RPS6KA2: variants seen among roughly 807,000 people sequenced by gnomAD.
RPS6KA2 encodes the protein ribosomal protein S6 kinase A2, also known as ribosomal protein S6 kinase alpha-2.
RPS6KA2 carries 42 observed loss-of-function variants against 91.8 expected under a neutral mutation model. The ratio of observed to expected loss-of-function variants is 0.46; its 90% confidence interval spans 0.36 to 0.59. The LOEUF is 0.59. Ranked by LOEUF, RPS6KA2 falls within the 20% of genes least tolerant of loss-of-function variation. The pLI, the probability that RPS6KA2 is intolerant of heterozygous loss-of-function variation, is 0.00. For missense variants in RPS6KA2, 798 were observed against 978.5 expected (o/e 0.82, Z 2.46); for synonymous variants, 414 against 393.6 (o/e 1.05, Z -0.61).
intron 2 of RPS6KA2, among the ~76,000 whole-genome samples, chr6:166,683,413 T>C (rs1337150014): frequency 6.6e-6 from 1 of 152,234 alleles, no homozygotes; most frequent in Non-Finnish European, 1.5e-5. Flanking sequence ...TGATCAATTA[T>C]AATCTACAGA....
At chr6:166,577,739 T>C (rs1280506641) in intron 1 of RPS6KA2, among the ~76,000 whole-genome samples, 5 of 152,198 alleles carry the variant, frequency 3.3e-5, no homozygotes, top group Non-Finnish European at 7.3e-5. Context: ...CTGAAATAAG[T>C]TAAGACTTTG....
At chr6:166,431,147 C>G (rs1400881722) in intron 15 of RPS6KA2, among the ~76,000 whole-genome samples, 3 of 152,130 alleles carry the variant, frequency 2.0e-5, no homozygotes, top group Admixed American at 6.5e-5. Context: ...AAGCTGGACT[C>G]AAACTCCTGG....
At chr6:166,702,661 T>C in intron 2 of RPS6KA2, 4 of 1,563,504 alleles carry the variant, frequency 2.6e-6, no homozygotes, top group Non-Finnish European at 3.5e-6. Flanking sequence ...CAGTTCTATT[T>C]TACCTGAAAG....
intron 3 of RPS6KA2, among the ~76,000 whole-genome samples, chr6:166,513,611 G>T (rs766409662): frequency 1.7e-4 from 26 of 152,320 alleles, no homozygotes; most frequent in Admixed American, 5.2e-4. Context: ...GTACGTCCCA[G>T]CCAGCATGTG....
chr6:166,716,623 A>C (rs1038019095), intron 2 of RPS6KA2, among the ~76,000 whole-genome samples: 3 of 152,250 alleles, frequency 2.0e-5, no homozygotes, highest in Admixed American at 1.3e-4. Flanking sequence ...TAAGAGGTTA[A>C]GACATCGTGA....
intron 2 of RPS6KA2, among the ~76,000 whole-genome samples, chr6:166,645,187 C>A (rs1396195026): frequency 1.3e-5 from 2 of 152,190 alleles, no homozygotes; most frequent in Non-Finnish European, 2.9e-5. Context: ...TTAAAGTTTC[C>A]TATTTGATAA....
At chr6:166,727,319 A>AAC (rs10541160) in intron 2 of RPS6KA2, among the ~76,000 whole-genome samples, 11,169 of 146,548 alleles carry the variant, frequency 0.076, 880 homozygotes, top group African/African-American at 0.21. Context: ...TAAACAAACA[A>AAC]ACACACACAC....
At chr6:166,717,967 GCCTC>G (rs1790060085) in intron 2 of RPS6KA2, among the ~76,000 whole-genome samples, 1 of 151,800 alleles carries the variant, frequency 6.6e-6, no homozygotes, top group Non-Finnish European at 1.5e-5. Context: ...TCCTGCGTCA[GCCTC>G]CCACGTAGCT....
In RPS6KA2 at chr6:166,612,906, T is replaced by C. The variant is rs1441516049; in HGVS notation, c.99+14015A>G. Among the ~76,000 whole-genome samples, 1 of 152,208 alleles carries C rather than the reference T, an allele frequency of 6.6e-6. No homozygotes were observed. Among genetic ancestry groups the C allele is most frequent in the African/African-American group, 2.4e-5 (1 of 41,458 alleles). The stretch of plus-strand genomic sequence containing the variant: ...CACTCTTCCCCTTCTCTTGTCTTTC[T>C]TCTTCCTGCCTCTTCTCTCCCCTCT... On this transcript the variant is annotated intron_variant, in intron 1 of 20. Coordinates refer to ENST00000265678, the MANE Select transcript of RPS6KA2 (RefSeq NM_021135.6). The surrounding 1 kb of genome is among the most constrained non-coding windows in gnomAD (Gnocchi z 4.3).
At chr6:166,457,926 G>GA (rs1304058490) in intron 12 of RPS6KA2, among the ~76,000 whole-genome samples, 3 of 152,172 alleles carry the variant, frequency 2.0e-5, no homozygotes, top group African/African-American at 7.2e-5. Context: ...AAAGCAGCGA[G>GA]AAAAAATACA....
intron 2 of RPS6KA2, among the ~76,000 whole-genome samples, chr6:166,717,565 C>G (rs1004403775): frequency 2.6e-4 from 39 of 152,234 alleles, no homozygotes; most frequent in Non-Finnish European, 4.0e-4. Flanking sequence ...CAGCAGACCA[C>G]TGGCAGTGAC....
chr6:166,735,287 A>G (rs1790644606), intron 2 of RPS6KA2, among the ~76,000 whole-genome samples: 1 of 152,170 alleles, frequency 6.6e-6, no homozygotes, highest in Admixed American at 6.5e-5. Context: ...AAAACAAAAA[A>G]CTGAAACAAC....
chr6:166,822,770 G>T (rs140391861), intron 2 of RPS6KA2, among the ~76,000 whole-genome samples: 66 of 150,384 alleles, frequency 4.4e-4, no homozygotes, highest in African/African-American at 1.3e-3. Context: ...TCACACATAG[G>T]GGCTCAGCAC....
At chr6:166,625,338 C>CCT (rs1786831235) in intron 1 of RPS6KA2, among the ~76,000 whole-genome samples, 7 of 110,288 alleles carry the variant, frequency 6.3e-5, no homozygotes, top group African/African-American at 2.0e-4. Context: ...CCCACCCCCC[C>CCT]CCCCGCTTGT....
chr6:166,474,854 C>T (rs148852175), intron 10 of RPS6KA2, among the ~76,000 whole-genome samples: 143 of 152,262 alleles, frequency 9.4e-4, no homozygotes, highest in African/African-American at 3.3e-3. Context: ...CCATCTCAGC[C>T]GGGAGCAGCG....
intron 1 of RPS6KA2, among the ~76,000 whole-genome samples, chr6:166,607,482 C>T (rs9355586): frequency 0.12 from 17,995 of 152,138 alleles, 1,155 homozygotes; most frequent in East Asian, 0.31. Context: ...ACAACACGAA[C>T]GAACCTTGAA....
rs1029193397 is a variant in RPS6KA2 at position 166,419,647 on chromosome 6, T to C, written c.1820+235A>G. 1.4e-4 allele frequency among the ~76,000 whole-genome samples: 21 copies of C among 152,228 alleles called. No homozygotes were observed. The highest frequency in any genetic ancestry group is 4.8e-4 in the African/African-American group (20 of 41,470). On this transcript the variant is annotated intron_variant, in intron 18 of 20. Transcript: ENST00000265678. This position sits in a 1 kb window ranked among gnomAD's most constrained non-coding sequence, Gnocchi z 5.6. ...GGCAAAAGACTTGATGTTTTGTTCATGAGCTGAGTTTAAAGAAAATGGGTG... is the reference window on the plus strand; with the variant it reads ...GGCAAAAGACTTGATGTTTTGTTCACGAGCTGAGTTTAAAGAAAATGGGTG...
intron 2 of RPS6KA2, among the ~76,000 whole-genome samples, chr6:166,742,757 C>T (rs1205393814): frequency 6.6e-6 from 1 of 152,196 alleles, no homozygotes; most frequent in African/African-American, 2.4e-5. Context: ...TTCATTAACT[C>T]TTAGTTCCAA....
chr6:166,626,694 GGGGGT>G lies in RPS6KA2; in HGVS notation c.99+222_99+226del, dbSNP rs1442003964. On this transcript the variant is annotated intron_variant, in intron 1 of 20. Coordinates refer to ENST00000265678, the MANE Select transcript of RPS6KA2 (RefSeq NM_021135.6). This position sits in a 1 kb window ranked among gnomAD's most constrained non-coding sequence, Gnocchi z 4.1. Reference sequence around the variant, plus strand: ...CGGAGAAACCAGCTGGAAATGCAGTGGGGGTGGAGTTGCCCCCGCGAGGACCCACG... The same window carrying G: ...CGGAGAAACCAGCTGGAAATGCAGTGGGAGTTGCCCCCGCGAGGACCCACG... Among the ~76,000 whole-genome samples, 2 of 152,246 alleles carry G rather than the reference GGGGGT, an allele frequency of 1.3e-5. No homozygotes were observed. Among genetic ancestry groups the G allele is most frequent in the Non-Finnish European group, 2.9e-5 (2 of 68,044 alleles).
Sources: gnomAD v4.1 joint callset for allele counts (sites outside exome capture counted in the v4.1 genomes callset) on GRCh38, gnomAD v4.1.1 for gene constraint, Gnocchi (gnomAD v3.1) non-coding constraint, MANE v1.5 for transcripts, NCBI Gene and HGNC (gene_info 2026-07-23, HGNC 2026-07-21) for gene names.